NAV2: variants seen among roughly 807,000 people sequenced by gnomAD.
NAV2 encodes the protein neuron navigator 2, also known as helicase, APC down-regulated 1.
In NAV2, 54 loss-of-function variants were observed where a neutral mutation model predicts 223.2. The observed-to-expected ratio is 0.24, with a 90% CI of 0.19 to 0.30. The LOEUF (loss-of-function observed/expected upper bound fraction) is 0.30. Ranked by LOEUF, NAV2 falls within the 10% of genes least tolerant of loss-of-function variation. The probability of loss-of-function intolerance (pLI) is 1.00; values close to 1 mark genes in which losing one functional copy is unlikely to be tolerated. For synonymous variants in NAV2, 1,279 were observed against 1,239.3 expected (o/e 1.03, Z -0.67); for missense variants, 2,806 against 3,147.5 (o/e 0.89, Z 2.60).
At chr11:20,035,717 C>A (rs1417060860) in intron 11 of NAV2, among the ~76,000 whole-genome samples, 2 of 152,196 alleles carry the variant, frequency 1.3e-5, no homozygotes, top group Non-Finnish European at 2.9e-5. Flanking sequence ...TGTCTGTAGC[C>A]ACCCCTGCTA....
At chr11:19,597,312 G>C (rs2046229844) in intron 1 of NAV2, among the ~76,000 whole-genome samples, 1 of 152,136 alleles carries the variant, frequency 6.6e-6, no homozygotes, top group Non-Finnish European at 1.5e-5. Context: ...CTACTGACTT[G>C]ACAGTATCCC....
chr11:19,428,114 G>A (rs1271999987), intron 1 of NAV2, among the ~76,000 whole-genome samples: 1 of 151,782 alleles, frequency 6.6e-6, no homozygotes, highest in African/African-American at 2.4e-5. Flanking sequence ...ATTATAATGG[G>A]TTTTACAAAT....
At chr11:19,490,950 T>C (rs926703803) in intron 1 of NAV2, among the ~76,000 whole-genome samples, 1 of 152,190 alleles carries the variant, frequency 6.6e-6, no homozygotes. Context: ...AAAAATAGCA[T>C]TAATATCCTT....
chr11:19,407,060 G>C (rs1849927808), intron 1 of NAV2, among the ~76,000 whole-genome samples: 1 of 152,204 alleles, frequency 6.6e-6, no homozygotes, highest in Admixed American at 6.5e-5. Flanking sequence ...GAGGCAGGGA[G>C]GAGATGGAGG....
chr11:20,000,832 C>T (rs898051824), intron 11 of NAV2, among the ~76,000 whole-genome samples: 1 of 152,200 alleles, frequency 6.6e-6, no homozygotes, highest in Non-Finnish European at 1.5e-5. Context: ...ATCCACTGCT[C>T]TGTAGCACGT....
intron 11 of NAV2, among the ~76,000 whole-genome samples, chr11:20,014,913 AATAAATATAAAT>A (rs66979030): frequency 0.98 from 145,654 of 149,086 alleles, 71,176 homozygotes; most frequent in East Asian, 1. Context: ...AAAATAAATA[AATAAATATAAAT>A]ATAAATATAA....
At chr11:19,679,866 G>T (rs1488411546) in intron 1 of NAV2, among the ~76,000 whole-genome samples, 1 of 152,188 alleles carries the variant, frequency 6.6e-6, no homozygotes, top group Non-Finnish European at 1.5e-5. Flanking sequence ...CATAATGTGT[G>T]CTCCTTAAAT....
intron 1 of NAV2, among the ~76,000 whole-genome samples, chr11:19,464,121 C>T (rs1000137834): frequency 2.0e-5 from 3 of 152,188 alleles, no homozygotes; most frequent in African/African-American, 7.2e-5. Flanking sequence ...CAGGATCAAG[C>T]GCAGAACCTG....
At chr11:19,448,614 G>GT (rs1167661160) in intron 1 of NAV2, among the ~76,000 whole-genome samples, 1 of 152,200 alleles carries the variant, frequency 6.6e-6, no homozygotes, top group African/African-American at 2.4e-5. Context: ...GGTCTGGGCT[G>GT]TAAGTATTCA....
chr11:19,697,457 C>T (rs530665758), intron 1 of NAV2, among the ~76,000 whole-genome samples: 2 of 151,832 alleles, frequency 1.3e-5, no homozygotes, highest in Admixed American at 6.6e-5. Context: ...AAAAAAGGAA[C>T]TGTCCTGCCT....
chr11:19,509,366 C>T (rs987117837), intron 1 of NAV2, among the ~76,000 whole-genome samples: 1 of 152,092 alleles, frequency 6.6e-6, no homozygotes, highest in Middle Eastern at 3.2e-3. Context: ...GTGCTGGGGC[C>T]CCAAACCCTC....
At position 19,933,549 on chromosome 11, in the gene NAV2, C is replaced by G. The variant is rs1448843770; in HGVS notation, c.1305C>G (p.Ser435Arg). The G allele has an allele frequency of 6.2e-7, 1 of 1,609,384 alleles. No individual in the cohort carries two copies. The highest frequency in any genetic ancestry group is 8.5e-7 in the Non-Finnish European group (1 of 1,177,582). Residue 435 changes from serine (S) to arginine (R), a missense_variant, in exon 7 of 38, where the codon AGC (serine) becomes AGG (arginine). Coordinates refer to ENST00000349880, the MANE Select transcript of NAV2 (RefSeq NM_145117.5). The surrounding 1 kb of genome is among the most constrained non-coding windows in gnomAD (Gnocchi z 4.3). Reference sequence around the variant, plus strand: ...GTGAGCGGCTGGAGACTCTGCCCAGCTTCGAAGAGAGCGAGGAGCTGGAGG... The same window carrying G: ...GTGAGCGGCTGGAGACTCTGCCCAGGTTCGAAGAGAGCGAGGAGCTGGAGG... ...TSCERLETLP[S>R]FEESEELEAA... is the part of the protein sequence containing the mutation.
At chr11:19,835,146 G>T in intron 2 of NAV2, among the ~76,000 whole-genome samples, 1 of 152,188 alleles carries the variant, frequency 6.6e-6, no homozygotes, top group East Asian at 1.9e-4. Context: ...ATGCTTCCCT[G>T]AATCTATTCA....
chr11:19,688,342 C>A (rs2049078956), intron 1 of NAV2, among the ~76,000 whole-genome samples: 2 of 152,154 alleles, frequency 1.3e-5, no homozygotes. Context: ...GTAATCTTAT[C>A]CATTCCAACA....
intron 1 of NAV2, among the ~76,000 whole-genome samples, chr11:19,828,547 T>A (rs2059769503): frequency 6.6e-6 from 1 of 151,602 alleles, no homozygotes; most frequent in African/African-American, 2.4e-5. Context: ...TGGAGTGCAA[T>A]GATGCATGAC....
chr11:19,870,519 T>C (rs2062413202), intron 4 of NAV2, among the ~76,000 whole-genome samples: 1 of 152,144 alleles, frequency 6.6e-6, no homozygotes, highest in Non-Finnish European at 1.5e-5. Flanking sequence ...CCTGCCTGGC[T>C]GGTAGTGACC....
Position 20,092,223 on chromosome 11 carries a change from G to A in NAV2, c.5670G>A (p.Leu1890=), listed in dbSNP as rs371451446. 10 of 1,614,106 alleles carry A rather than the reference G, an allele frequency of 6.2e-6. No individual in the cohort carries two copies. In the African/African-American group the frequency reaches 1.3e-4, roughly 22 times the overall value. ...CTTTGCAGAGTGAAATAGAGAAGCT[G>A]AAAGCTGAGAATGATCGGCTGAAGT... ...MNRMQSEIEK[L]KAENDRLKSE... is the part of the protein sequence containing the mutation. Residue 1890 remains leucine, a synonymous_variant, in exon 28 of 38, where the codon CTG becomes CTA. Coordinates refer to ENST00000349880, the MANE Select transcript of NAV2 (RefSeq NM_145117.5).
intron 1 of NAV2, among the ~76,000 whole-genome samples, chr11:19,532,605 G>A (rs979881890): frequency 6.6e-6 from 1 of 152,048 alleles, no homozygotes; most frequent in Non-Finnish European, 1.5e-5. Context: ...TTTCACTAAT[G>A]AGGCAACTGA....
upstream of NAV2, among the ~76,000 whole-genome samples, chr11:19,346,368 G>A (rs1339766366): frequency 6.6e-6 from 1 of 152,208 alleles, no homozygotes; most frequent in Non-Finnish European, 1.5e-5. Flanking sequence ...GAGCCAAGCC[G>A]GGGGCAACTA....
Sources: gnomAD v4.1 joint callset for allele counts (sites outside exome capture counted in the v4.1 genomes callset) on GRCh38, gnomAD v4.1.1 for gene constraint, Gnocchi (gnomAD v3.1) non-coding constraint, MANE v1.5 for transcripts, NCBI Gene and HGNC (gene_info 2026-07-23, HGNC 2026-07-21) for gene names.